ZRANB3: variants seen among roughly 807,000 people sequenced by gnomAD.
The protein encoded by ZRANB3 is DNA annealing helicase and endonuclease ZRANB3.
In ZRANB3, 125 loss-of-function variants were observed where a neutral mutation model predicts 133.8. That is an observed-to-expected ratio of 0.93 (90% confidence interval 0.81 to 1.08). ZRANB3 has a LOEUF of 1.08. Ranked by LOEUF, ZRANB3 falls within the 50% of genes least tolerant of loss-of-function variation. The pLI is 0.00. For synonymous variants in ZRANB3, 387 were observed against 432.7 expected, an observed-to-expected ratio of 0.89 and a Z score of 1.31; for missense variants, 1,229 against 1,275.5, an observed-to-expected ratio of 0.96 and a Z score of 0.56.
intron 3 of ZRANB3, among the ~76,000 whole-genome samples, chr2:135,373,801 G>GAGGGGAGGGC (rs1686291668): frequency 2.4e-5 from 1 of 42,148 alleles, no homozygotes; most frequent in Admixed American, 3.0e-4. Flanking sequence ...AGAAAAGAAA[G>GAGGGGAGGGC]AGGGGAGGGG....
chr2:135,394,868 G>GA (rs1420922999), intron 2 of ZRANB3, among the ~76,000 whole-genome samples: 1 of 147,124 alleles, frequency 6.8e-6, no homozygotes, highest in Non-Finnish European at 1.5e-5. Context: ...CCATAATCCC[G>GA]AAGTGCTTTG....
intron 8 of ZRANB3, among the ~76,000 whole-genome samples, chr2:135,300,795 C>A (rs898165298): frequency 6.6e-6 from 1 of 152,122 alleles, no homozygotes; most frequent in African/African-American, 2.4e-5. Flanking sequence ...CAGTGAGCAT[C>A]CTAAGTGGAT....
intron 9 of ZRANB3, 150 bp from the exon 10 acceptor site, chr2:135,272,037 T>A: frequency 1.2e-6 from 1 of 863,326 alleles, no homozygotes; most frequent in Non-Finnish European, 1.6e-6. Flanking sequence ...AGAAGAATCT[T>A]AACCAAGATT....
At chr2:135,367,230 G>A (rs1417403069) in intron 3 of ZRANB3, among the ~76,000 whole-genome samples, 1 of 152,054 alleles carries the variant, frequency 6.6e-6, no homozygotes, top group Non-Finnish European at 1.5e-5. Context: ...GGACCTGTAT[G>A]GTAAGAACCT....
At chr2:135,295,122 G>A (rs547426658) in intron 8 of ZRANB3, among the ~76,000 whole-genome samples, 1 of 151,382 alleles carries the variant, frequency 6.6e-6, no homozygotes, top group African/African-American at 2.4e-5. Flanking sequence ...TCCACTTGGT[G>A]CAGAGCTGGG....
intron 1 of ZRANB3, chr2:135,511,704 A>T: frequency 1.3e-6 from 1 of 766,412 alleles, no homozygotes. Context: ...CATAAGCATC[A>T]ACATGGAGAA....
At chr2:135,225,278 C>CTG (rs1174331859) in intron 14 of ZRANB3, among the ~76,000 whole-genome samples, 2 of 152,180 alleles carry the variant, frequency 1.3e-5, no homozygotes, top group Non-Finnish European at 1.5e-5. Flanking sequence ...GCTCCAGAGT[C>CTG]TGTGCTCTTA....
intron 12 of ZRANB3, among the ~76,000 whole-genome samples, chr2:135,259,462 T>C (rs1209050339): frequency 2.6e-5 from 4 of 152,218 alleles, no homozygotes; most frequent in Admixed American, 1.3e-4. Context: ...TTGCCCAGGC[T>C]GGAGTGCAAA....
intron 2 of ZRANB3, among the ~76,000 whole-genome samples, chr2:135,432,678 C>A (rs1289004131): frequency 6.6e-6 from 1 of 152,168 alleles, no homozygotes; most frequent in Non-Finnish European, 1.5e-5. Context: ...TTCTTCCATT[C>A]TTCCCCTCCT....
intron 2 of ZRANB3, among the ~76,000 whole-genome samples, chr2:135,416,988 A>G (rs1277446726): frequency 6.6e-6 from 1 of 152,196 alleles, no homozygotes; most frequent in East Asian, 1.9e-4. Context: ...ACCACGTTAG[A>G]CCTAAAACCA....
At chr2:135,393,424 C>T (rs1047365938) in intron 2 of ZRANB3, among the ~76,000 whole-genome samples, 5 of 150,336 alleles carry the variant, frequency 3.3e-5, no homozygotes, top group Admixed American at 1.3e-4. Context: ...AGATGCAGTA[C>T]GTGGATTATC....
At chr2:135,303,219 T>C (rs766746087) in intron 8 of ZRANB3, among the ~76,000 whole-genome samples, 3 of 152,178 alleles carry the variant, frequency 2.0e-5, no homozygotes, top group Non-Finnish European at 4.4e-5. Context: ...TTTACCACCA[T>C]GTGTTCAAGT....
intron 2 of ZRANB3, among the ~76,000 whole-genome samples, chr2:135,439,035 C>T (rs191507894): frequency 4.9e-4 from 75 of 152,120 alleles, no homozygotes; most frequent in Admixed American, 1.4e-3. Context: ...TTATTTTGTA[C>T]GTTATATTAT....
At chr2:135,305,571 C>T (rs554902907) in intron 8 of ZRANB3, among the ~76,000 whole-genome samples, 2 of 152,076 alleles carry the variant, frequency 1.3e-5, no homozygotes, top group African/African-American at 2.4e-5. Context: ...ATCATTTGTT[C>T]CTTTCTTTCT....
At chr2:135,513,187 T>G (rs1369543235) in intron 1 of ZRANB3, among the ~76,000 whole-genome samples, 1 of 152,196 alleles carries the variant, frequency 6.6e-6, no homozygotes, top group Non-Finnish European at 1.5e-5. Context: ...GATTATACTT[T>G]CAAAATTCGA....
chr2:135,494,413 C>T (rs543612332), intron 2 of ZRANB3, among the ~76,000 whole-genome samples: 25 of 151,504 alleles, frequency 1.7e-4, no homozygotes, highest in Admixed American at 4.6e-4. Flanking sequence ...AGAAGGGGGG[C>T]TCTTCTTTAC....
intron 2 of ZRANB3, among the ~76,000 whole-genome samples, chr2:135,462,112 C>G (rs1415331082): frequency 6.6e-6 from 1 of 152,164 alleles, no homozygotes; most frequent in African/African-American, 2.4e-5. Context: ...CTTATTTGTT[C>G]AAGTTTCAGA....
At chr2:135,458,680 G>A (rs1313173055) in intron 2 of ZRANB3, among the ~76,000 whole-genome samples, 1 of 151,878 alleles carries the variant, frequency 6.6e-6, no homozygotes, top group Non-Finnish European at 1.5e-5. Flanking sequence ...CTAAGTCGGG[G>A]GAAGAAAACA....
At chr2:135,297,223 A>C (rs57106790) in intron 8 of ZRANB3, among the ~76,000 whole-genome samples, 9,442 of 152,258 alleles carry the variant, frequency 0.062, 575 homozygotes, top group African/African-American at 0.16. Context: ...GGTGGGCTCC[A>C]CCGAGTTCGA....
Sources: allele counts gnomAD v4.1 joint callset (sites outside exome capture counted in the v4.1 genomes callset), GRCh38; gene constraint gnomAD v4.1.1; transcripts MANE v1.5; gene names NCBI Gene and HGNC (gene_info 2026-07-23, HGNC 2026-07-21).